The following ZFHX3 variants were observed in gnomAD, a reference collection of about 807,000 sequenced individuals.
The protein encoded by ZFHX3 is zinc finger homeobox 3, also known as zinc finger homeobox protein 3.
A neutral mutation model predicts 279.1 loss-of-function variants in ZFHX3; 42 were observed. The observed-to-expected ratio is 0.15, with a 90% CI of 0.12 to 0.19. ZFHX3 has a LOEUF of 0.19. ZFHX3 is among the 10% of genes least tolerant of loss of function. ZFHX3 has a pLI of 1.00. For missense variants in ZFHX3, 4,981 were observed against 4,754.0 expected (o/e 1.05, Z -1.40); for synonymous variants, 2,293 against 1,957.8 (o/e 1.17, Z -4.52).
At chr16:73,226,840 G>GAGGGATCTTCT (rs1463448402) in intron 5 of ZFHX3, among the ~76,000 whole-genome samples, 1 of 152,220 alleles carries the variant, frequency 6.6e-6, no homozygotes, top group Non-Finnish European at 1.5e-5. Flanking sequence ...TGAAGCAGAG[G>GAGGGATCTTCT]AGGGATCTTC....
At chr16:73,080,145 C>T (rs1567658774) in intron 8 of ZFHX3, among the ~76,000 whole-genome samples, 1 of 152,244 alleles carries the variant, frequency 6.6e-6, no homozygotes, top group Non-Finnish European at 1.5e-5. Context: ...TTATCCACAT[C>T]TGCTCTGTCT....
intron 1 of ZFHX3, among the ~76,000 whole-genome samples, chr16:72,989,547 C>T (rs1042699772): frequency 3.3e-5 from 5 of 151,746 alleles, no homozygotes; most frequent in Non-Finnish European, 4.4e-5. Context: ...GCTAAGAACA[C>T]GCATACTAGG....
At chr16:72,904,144 T>C (rs557441292) in intron 3 of ZFHX3, among the ~76,000 whole-genome samples, 56 of 152,168 alleles carry the variant, frequency 3.7e-4, no homozygotes, top group Admixed American at 1.2e-3. Context: ...GGTGGGTGGA[T>C]CACTTGAGGC....
chr16:73,623,286 TC>T (rs1732435575), intron 2 of ZFHX3, among the ~76,000 whole-genome samples: 1 of 152,098 alleles, frequency 6.6e-6, no homozygotes, highest in African/African-American at 2.4e-5. Context: ...TCCGCCCGCC[TC>T]GGCCTCCCAA....
chr16:73,305,464 T>C (rs569830413), intron 4 of ZFHX3, among the ~76,000 whole-genome samples: 1 of 152,082 alleles, frequency 6.6e-6, no homozygotes, highest in South Asian at 2.1e-4. Context: ...AAGTGAGATG[T>C]TATGGTCAGA....
intron 2 of ZFHX3, among the ~76,000 whole-genome samples, chr16:73,489,437 T>C (rs1279867146): frequency 2.0e-5 from 3 of 152,232 alleles, no homozygotes; most frequent in Non-Finnish European, 4.4e-5. Context: ...TTAGGGCTTT[T>C]TTCCAACTGA....
chr16:73,649,654 C>CAGCACT (rs1346895458), intron 2 of ZFHX3, among the ~76,000 whole-genome samples: 1 of 152,114 alleles, frequency 6.6e-6, no homozygotes, highest in African/African-American at 2.4e-5. Context: ...GTCAGCAAAT[C>CAGCACT]CAGTGCACCG....
At position 73,222,242 on chromosome 16, in the gene ZFHX3, A is replaced by G. The variant is rs571517910; in HGVS notation, c.-1104+34805T>C. 7.2e-5 allele frequency among the ~76,000 whole-genome samples: 11 copies of G among 152,224 alleles called. No individual in the cohort carries two copies. The East Asian group carries it at 2.1e-3, about 29-fold the overall frequency. On this transcript the variant is annotated intron_variant, in intron 5 of 17. Coordinates refer to the ZFHX3 transcript ENST00000641206. ...CAATGCAAAATTGTGCATTTAAAGC[A>G]CTTAGCTTTAAAGTATTATTACTTT...
chr16:73,389,254 A>G (rs1251589086), intron 3 of ZFHX3: 1 of 152,228 alleles, frequency 6.6e-6, no homozygotes, highest in Non-Finnish European at 1.5e-5. Flanking sequence ...GCTGGAACAC[A>G]GACCTGCTGA....
intron 2 of ZFHX3, among the ~76,000 whole-genome samples, chr16:73,597,918 G>GA (rs1162577587): frequency 6.6e-6 from 1 of 152,210 alleles, no homozygotes; most frequent in African/African-American, 2.4e-5. Context: ...ACTGCTGTAT[G>GA]AAAAAATGAA....
rs954708603 is a variant in ZFHX3 at position 72,838,702 on chromosome 16, T to TG, written c.3449-8844dup. ...ACCGCACAAGAATTACGGGGGTGGGTGGGGGTCAAGAGAGGAGAAAAAGGG... is the reference window on the plus strand; with the variant it reads ...ACCGCACAAGAATTACGGGGGTGGGTGGGGGGTCAAGAGAGGAGAAAAAGGG... On this transcript the variant is annotated intron_variant, in intron 4 of 9. Coordinates refer to ENST00000268489, the MANE Select transcript of ZFHX3 (RefSeq NM_006885.4). 4.1e-5 allele frequency among the ~76,000 whole-genome samples: 6 copies of TG among 144,958 alleles called. 1 individual carries two copies. Among genetic ancestry groups the TG allele is most frequent in the Admixed American group, 7.1e-5 (1 of 14,168 alleles).
intron 2 of ZFHX3, among the ~76,000 whole-genome samples, chr16:73,497,777 A>C (rs1463667833): frequency 6.6e-6 from 1 of 152,226 alleles, no homozygotes; most frequent in Admixed American, 6.5e-5. Context: ...GGGTAGAAAA[A>C]GGTGGAGTTC....
In ZFHX3 at chr16:73,841,251, T is replaced by C. The variant is rs550703983; in HGVS notation, c.-1608+50400A>G. ...GAGCCCAAGTTTAGCTTTCCACATC[T>C]CCTTCAGCTCCTACATCACAAGGAA... On this transcript the variant is annotated intron_variant, in intron 1 of 17. Coordinates refer to the ZFHX3 transcript ENST00000641206. Among the ~76,000 whole-genome samples the C allele has an allele frequency of 7.2e-5, 11 of 151,816 alleles. No homozygotes were observed. The South Asian group carries it at 2.1e-3, about 29-fold the overall frequency.
Position 72,787,534 on chromosome 16 carries a change from G to C in ZFHX3, c.10742C>G (p.Pro3581Arg), listed in dbSNP as rs764472267. ...LLPHSACFPDPSTASTSQSAA... is the reference protein window; with the variant it reads ...LLPHSACFPDRSTASTSQSAA... The stretch of plus-strand genomic sequence containing the variant: ...AGACTGCGAGGTAGATGCGGTGCTA[G>C]GATCGGGGAAGCAGGCAGAGTGAGG... Residue 3581 changes from proline (P) to arginine (R), a missense_variant, in exon 10 of 10, where the codon CCT (proline) becomes CGT (arginine). This residue lies in a region of ZFHX3 where 1,034 missense variants were observed against 786.0 expected (regional missense o/e 1.32). Coordinates refer to ENST00000268489, the MANE Select transcript of ZFHX3 (RefSeq NM_006885.4). The C allele has an allele frequency of 6.2e-7, 1 of 1,613,964 alleles. No individual in the cohort carries two copies. Among genetic ancestry groups the C allele is most frequent in the Non-Finnish European group, 8.5e-7 (1 of 1,180,004 alleles).
chr16:73,804,674 A>G (rs1279726109), intron 1 of ZFHX3, among the ~76,000 whole-genome samples: 2 of 152,132 alleles, frequency 1.3e-5, no homozygotes, highest in Admixed American at 6.6e-5. Flanking sequence ...ATTGAAAAAT[A>G]TGTGGATCTT....
chr16:73,356,680 C>T (rs1301302513), intron 3 of ZFHX3, among the ~76,000 whole-genome samples: 1 of 151,990 alleles, frequency 6.6e-6, no homozygotes, highest in Non-Finnish European at 1.5e-5. Flanking sequence ...AGGACGGAGC[C>T]AGCATTTCCA....
chr16:72,986,583 CCTT>C (rs1303597693), intron 1 of ZFHX3, among the ~76,000 whole-genome samples: 1 of 152,144 alleles, frequency 6.6e-6, no homozygotes, highest in Non-Finnish European at 1.5e-5. Flanking sequence ...GAAATTAACT[CCTT>C]CTTGGTCACA....
At chr16:73,378,926 T>C (rs1418349586) in intron 3 of ZFHX3, among the ~76,000 whole-genome samples, 1 of 152,154 alleles carries the variant, frequency 6.6e-6, no homozygotes, top group Non-Finnish European at 1.5e-5. Flanking sequence ...CTTTTTAAGA[T>C]TGTCCTTTTG....
intron 4 of ZFHX3, among the ~76,000 whole-genome samples, chr16:73,275,318 A>ATAGGAAATCTG (rs2014265675): frequency 1.3e-5 from 2 of 152,138 alleles, no homozygotes; most frequent in African/African-American, 4.8e-5. Context: ...TGCCCTCCTG[A>ATAGGAAATCTG]TAGGAAATCT....
Sources: gnomAD v4.1 joint callset for allele counts (sites outside exome capture counted in the v4.1 genomes callset) on GRCh38, gnomAD v4.1.1 for gene constraint, gnomAD v4.1.1 regional missense constraint, MANE v1.5 for transcripts, NCBI Gene and HGNC (gene_info 2026-07-23, HGNC 2026-07-21) for gene names.